The following NDST4 variants were observed in gnomAD, a reference collection of about 807,000 sequenced individuals.
The protein encoded by NDST4 is N-deacetylase and N-sulfotransferase 4.
Under a neutral mutation model 100.8 loss-of-function variants are expected in NDST4, and 63 were observed. The ratio of observed to expected loss-of-function variants is 0.62; its 90% CI spans 0.51 to 0.77. NDST4 has a LOEUF of 0.77. Ranked by LOEUF, NDST4 falls within the 30% of genes least tolerant of loss-of-function variation. The pLI is 0.00. For missense variants in NDST4, 943 were observed against 1,018.4 expected, an observed-to-expected ratio of 0.93 and a Z score of 1.01; for synonymous variants, 377 against 361.8, an observed-to-expected ratio of 1.04 and a Z score of -0.48.
Position 114,940,075 on chromosome 4 carries a change from A to G in NDST4, c.1222-2572T>C, listed in dbSNP as rs1246212631. Among the ~76,000 whole-genome samples, 3 of 152,216 alleles carry G rather than the reference A, an allele frequency of 2.0e-5. No individual in the cohort carries two copies. In the South Asian group the frequency reaches 6.2e-4, roughly 31 times the overall value. On this transcript the variant is annotated intron_variant, in intron 4 of 13. Transcript: ENST00000264363. ...ATTACAAAATTTGAAAAGCCTTCCA[A>G]TGTAAATATAGGAAGCACTTGAGAC...
chr4:114,869,713 T>C (rs1421649433), intron 7 of NDST4, among the ~76,000 whole-genome samples: 1 of 152,110 alleles, frequency 6.6e-6, no homozygotes, highest in East Asian at 1.9e-4. Flanking sequence ...TAGCAGTCAG[T>C]TTTAAAACAC....
intron 2 of NDST4, among the ~76,000 whole-genome samples, chr4:115,037,018 A>G (rs1728247763): frequency 6.6e-6 from 1 of 152,032 alleles, no homozygotes; most frequent in Non-Finnish European, 1.5e-5. Flanking sequence ...GTGTTTTAAT[A>G]GAGAAAAAGA....
Position 114,894,753 on chromosome 4 carries a change from C to T in NDST4, c.1537-23803G>A, listed in dbSNP as rs181607421. Among the ~76,000 whole-genome samples, 6 of 152,150 alleles carry T rather than the reference C, an allele frequency of 3.9e-5. No individual in the cohort carries two copies. In the East Asian group the frequency reaches 1.2e-3, roughly 29 times the overall value. On this transcript the variant is annotated intron_variant, in intron 6 of 13. Coordinates refer to ENST00000264363, the MANE Select transcript of NDST4 (RefSeq NM_022569.3). Reference sequence around the variant, plus strand: ...TTATGTCTTCCTCTTGCCTGATTGCCCTGGACCGAACTTCCAATACTATGT... The same window carrying T: ...TTATGTCTTCCTCTTGCCTGATTGCTCTGGACCGAACTTCCAATACTATGT...
intron 6 of NDST4, among the ~76,000 whole-genome samples, chr4:114,915,382 A>C (rs1270518412): frequency 1.3e-5 from 2 of 152,216 alleles, no homozygotes; most frequent in African/African-American, 2.4e-5. Context: ...GGTAGGATGC[A>C]AAAAGGTTAA....
intron 6 of NDST4, among the ~76,000 whole-genome samples, chr4:114,885,915 G>T (rs991124374): frequency 1.3e-5 from 2 of 151,714 alleles, no homozygotes; most frequent in Non-Finnish European, 2.9e-5. Context: ...TGCATGTAAG[G>T]GACAAGCAAT....
intron 6 of NDST4, among the ~76,000 whole-genome samples, chr4:114,889,766 A>G (rs762177148): frequency 6.6e-6 from 1 of 152,096 alleles, no homozygotes; most frequent in African/African-American, 2.4e-5. Context: ...TATTAGATGC[A>G]CCTGTGTCTA....
chr4:114,942,382 A>G (rs1048397269), intron 4 of NDST4, among the ~76,000 whole-genome samples: 8 of 151,986 alleles, frequency 5.3e-5, no homozygotes, highest in Non-Finnish European at 1.2e-4. Flanking sequence ...AGATTATTTA[A>G]TTTTTTAAAA....
intron 6 of NDST4, among the ~76,000 whole-genome samples, chr4:114,888,235 A>T (rs563230895): frequency 1.5e-4 from 22 of 150,314 alleles, no homozygotes; most frequent in East Asian, 5.8e-4. Context: ...ATTTAATTAA[A>T]ATATATATAT....
intron 6 of NDST4, among the ~76,000 whole-genome samples, chr4:114,914,075 T>C (rs542773025): frequency 6.6e-6 from 1 of 152,144 alleles, no homozygotes; most frequent in East Asian, 1.9e-4. Flanking sequence ...TGAAATAAGC[T>C]AGGCACAGAA....
At chr4:115,085,955 C>T (rs1729402189) in intron 1 of NDST4, among the ~76,000 whole-genome samples, 1 of 152,074 alleles carries the variant, frequency 6.6e-6, no homozygotes, top group South Asian at 2.1e-4. Context: ...GTTATGGTGT[C>T]CGTATATGCA....
At position 115,100,084 on chromosome 4, in the gene NDST4, C is replaced by T. The variant is rs1729699767; in HGVS notation, c.-247+13360G>A. On this transcript the variant is annotated intron_variant, in intron 1 of 13. Transcript: ENST00000264363. ...AGAAAAGGTTATATACTATATAATT[C>T]CATTTATATGAAATTCTGGAAAAGG... is the stretch of plus-strand genomic sequence containing the variant. Among the ~76,000 whole-genome samples the T allele has an allele frequency of 2.0e-5, 3 of 151,718 alleles. No individual in the cohort carries two copies. In the South Asian group the frequency reaches 6.2e-4, roughly 32 times the overall value.
chr4:114,929,096 C>A (rs1560817010), intron 6 of NDST4, among the ~76,000 whole-genome samples: 1 of 130,002 alleles, frequency 7.7e-6, no homozygotes, highest in Non-Finnish European at 1.7e-5. Flanking sequence ...ATCCATCCAT[C>A]CATCCATCCA....
chr4:114,984,820 G>A (rs1018231699), intron 2 of NDST4, among the ~76,000 whole-genome samples: 1 of 152,052 alleles, frequency 6.6e-6, no homozygotes, highest in Non-Finnish European at 1.5e-5. Context: ...CTTTTGCTTC[G>A]ATACTATTTG....
At position 114,852,786 on chromosome 4, in the gene NDST4, C is replaced by T; in HGVS notation, c.1755G>A (p.Trp585Ter). The change falls in exon 8 of 14, where the codon TGG (tryptophan) becomes TGA (stop). Residue 585 changes from tryptophan to a stop codon, truncating the protein, a stop_gained. Transcript: ENST00000264363. LOFTEE classifies it high-confidence loss of function. ...AGTGGTCACAAGTTTTCTCTCTGGA[C>T]CAGATGTCTTTGTGTCGTTTATCAT... ...PCDDKRHKDI[W>*]SREKTCDHLP... is the part of the protein sequence containing the mutation. 1 of 1,612,594 alleles carries T rather than the reference C, an allele frequency of 6.2e-7. No homozygotes were observed. Among genetic ancestry groups the T allele is most frequent in the Non-Finnish European group, 8.5e-7 (1 of 1,179,218 alleles).
chr4:114,868,297 A>G (rs1419973417), intron 7 of NDST4, among the ~76,000 whole-genome samples: 4 of 152,222 alleles, frequency 2.6e-5, no homozygotes, highest in Admixed American at 2.6e-4. Flanking sequence ...GCCATAAAAA[A>G]CCTACCAAGT....
rs183849703 is a variant in NDST4, at chr4:114,858,592, G to T, written c.1720-5771C>A. Among the ~76,000 whole-genome samples, 4 of 152,274 alleles carry T rather than the reference G, an allele frequency of 2.6e-5. No homozygotes were observed. The East Asian group carries it at 7.7e-4, about 29-fold the overall frequency. ...ATCATAAACTATTAGTTGGTGCAGA[G>T]TCCAACAAATAGTTTTTATTTAAGG... On this transcript the variant is annotated intron_variant, in intron 7 of 13. Transcript: ENST00000264363.
intron 2 of NDST4, among the ~76,000 whole-genome samples, chr4:115,003,833 A>G (rs1034644484): frequency 7.9e-5 from 12 of 152,058 alleles, no homozygotes; most frequent in Non-Finnish European, 1.6e-4. Context: ...ACACCATTGC[A>G]TTCCAGCCCA....
At chr4:115,048,134 C>T (rs543088) in intron 2 of NDST4, among the ~76,000 whole-genome samples, 23,717 of 151,006 alleles carry the variant, frequency 0.16, 2,254 homozygotes, top group East Asian at 0.45. Context: ...CCAGACCTGA[C>T]AAACTTTTTA....
At chr4:115,052,194 A>C (rs1426800624) in intron 2 of NDST4, among the ~76,000 whole-genome samples, 1 of 152,202 alleles carries the variant, frequency 6.6e-6, no homozygotes, top group Non-Finnish European at 1.5e-5. Flanking sequence ...CATAAATTCA[A>C]ACAGAAACAC....
Sources: allele counts gnomAD v4.1 joint callset (sites outside exome capture counted in the v4.1 genomes callset), GRCh38; gene constraint gnomAD v4.1.1; transcripts MANE v1.5; gene names NCBI Gene and HGNC (gene_info 2026-07-23, HGNC 2026-07-21).